PLCB1: variants seen among roughly 807,000 people sequenced by gnomAD.
PLCB1 encodes 1-phosphatidylinositol 4,5-bisphosphate phosphodiesterase beta-1.
A neutral mutation model predicts 161.8 loss-of-function variants in PLCB1; 46 were observed. That is an observed-to-expected ratio of 0.28 (90% CI 0.22 to 0.36). The LOEUF is 0.36. PLCB1 is among the 10% of genes least tolerant of loss of function. PLCB1 has a pLI of 1.00. For missense variants in PLCB1, 1,016 were observed against 1,472.5 expected (o/e 0.69, Z 5.07); for synonymous variants, 517 against 503.7 (o/e 1.03, Z -0.35).
chr20:8,704,068 AGAT>A (rs1978524051), intron 11 of PLCB1, among the ~76,000 whole-genome samples: 1 of 152,180 alleles, frequency 6.6e-6, no homozygotes, highest in Admixed American at 6.5e-5. Context: ...AAGTTAGCAA[AGAT>A]GGCCAGGCGC....
intron 2 of PLCB1, among the ~76,000 whole-genome samples, chr20:8,297,265 TA>T (rs1983679660): frequency 6.6e-6 from 1 of 152,140 alleles, no homozygotes; most frequent in African/African-American, 2.4e-5. Context: ...AATGTACGTA[TA>T]AAATTGCGGA....
chr20:8,148,556 G>A (rs1600198729), intron 1 of PLCB1, among the ~76,000 whole-genome samples: 1 of 151,968 alleles, frequency 6.6e-6, no homozygotes, highest in Admixed American at 6.6e-5. Flanking sequence ...TCCACTTCTG[G>A]GTATATACTG....
intron 2 of PLCB1, among the ~76,000 whole-genome samples, chr20:8,175,465 A>G (rs548137137): frequency 3.2e-5 from 1 of 31,612 alleles, no homozygotes; most frequent in South Asian, 8.4e-4. Context: ...AAGTAAAAAT[A>G]AAAAAAAAAG....
At chr20:8,833,232 G>C (rs1986099721) in intron 31 of PLCB1, among the ~76,000 whole-genome samples, 1 of 152,178 alleles carries the variant, frequency 6.6e-6, no homozygotes, top group Non-Finnish European at 1.5e-5. Flanking sequence ...CCACATGGCT[G>C]GGGAGGTCTC....
intron 1 of PLCB1, among the ~76,000 whole-genome samples, chr20:8,141,464 A>G (rs570449349): frequency 6.6e-6 from 1 of 152,242 alleles, no homozygotes; most frequent in African/African-American, 2.4e-5. Context: ...TCTCTACTAG[A>G]ATACAAAAAT....
intron 3 of PLCB1, among the ~76,000 whole-genome samples, chr20:8,482,787 G>C (rs1196996569): frequency 1.3e-5 from 2 of 152,176 alleles, no homozygotes; most frequent in Non-Finnish European, 2.9e-5. Flanking sequence ...GTGTAATAAA[G>C]TAGATTTTGA....
intron 2 of PLCB1, among the ~76,000 whole-genome samples, chr20:8,195,855 T>C (rs1044419586): frequency 1.3e-5 from 2 of 152,126 alleles, no homozygotes; most frequent in African/African-American, 4.8e-5. Flanking sequence ...GCATTTGTAT[T>C]AGTCGATTCT....
At position 8,628,319 on chromosome 20, in the gene PLCB1, A is replaced by T; in HGVS notation, c.272A>T (p.Asp91Val). Residue 91 changes from aspartate to valine, a missense_variant, in exon 4 of 32, where the codon GAT becomes GTT. Physicochemically the swap from Asp to Val is radical, Grantham distance 152. Around this residue, in one of 10 missense-constraint regions of PLCB1, gnomAD observed 181 missense variants for 236.7 expected, o/e 0.76. Transcript: ENST00000338037. The part of the protein sequence containing the change: ...PKDPKLRELL[D>V]VGNIGRLEQR... ...GACCCCAAATTACGTGAACTTTTGGATGTGGGGAACATCGGGCGCCTGGAG... is the reference window on the plus strand; with the variant it reads ...GACCCCAAATTACGTGAACTTTTGGTTGTGGGGAACATCGGGCGCCTGGAG... 6.2e-7 allele frequency: 1 copy of T among 1,613,966 alleles called. No homozygotes were observed. Among genetic ancestry groups the T allele is most frequent in the Non-Finnish European group, 8.5e-7 (1 of 1,179,864 alleles).
intron 2 of PLCB1, among the ~76,000 whole-genome samples, chr20:8,181,248 CA>C (rs60871672): frequency 0.28 from 22,495 of 80,638 alleles, 859 homozygotes; most frequent in South Asian, 0.38. Flanking sequence ...GACTCTGTCT[CA>C]AAAAAAAAAA....
chr20:8,759,895 C>CTTTTTT (rs1981928257), intron 24 of PLCB1, among the ~76,000 whole-genome samples: 3 of 44,522 alleles, frequency 6.7e-5, no homozygotes, highest in Admixed American at 3.1e-4. Context: ...TATAATATCA[C>CTTTTTT]ATTTTTTTTT....
chr20:8,725,203 A>G (rs555324338), intron 16 of PLCB1, among the ~76,000 whole-genome samples: 1 of 152,296 alleles, frequency 6.6e-6, no homozygotes, highest in East Asian at 1.9e-4. Context: ...CAATTTATCT[A>G]TATTCCATTT....
chr20:8,394,392 G>C (rs1328598733), intron 3 of PLCB1, among the ~76,000 whole-genome samples: 1 of 152,042 alleles, frequency 6.6e-6, no homozygotes, highest in African/African-American at 2.4e-5. Flanking sequence ...TCGGTTCCTG[G>C]TGTGTGTGTG....
intron 3 of PLCB1, among the ~76,000 whole-genome samples, chr20:8,461,170 G>C (rs1289992189): frequency 6.6e-6 from 1 of 152,116 alleles, no homozygotes; most frequent in Non-Finnish European, 1.5e-5. Context: ...TTGAGAAAAA[G>C]AATCTGAAAG....
intron 31 of PLCB1, among the ~76,000 whole-genome samples, chr20:8,852,479 C>T (rs1986921561): frequency 6.6e-6 from 1 of 152,164 alleles, no homozygotes; most frequent in African/African-American, 2.4e-5. Context: ...GGCAGAACTC[C>T]CACTAGCCAT....
chr20:8,340,720 G>A (rs1198290799), intron 2 of PLCB1, among the ~76,000 whole-genome samples: 1 of 152,140 alleles, frequency 6.6e-6, no homozygotes, highest in Non-Finnish European at 1.5e-5. Flanking sequence ...CACCGCGCCC[G>A]GCCAAATTCT....
intron 2 of PLCB1, among the ~76,000 whole-genome samples, chr20:8,244,983 A>G (rs76461828): frequency 0.12 from 16,601 of 138,756 alleles, 998 homozygotes; most frequent in African/African-American, 0.21. Context: ...TCTATTTTGG[A>G]GGGGGGGATG....
At chr20:8,355,805 C>A (rs1986346321) in intron 2 of PLCB1, among the ~76,000 whole-genome samples, 1 of 152,124 alleles carries the variant, frequency 6.6e-6, no homozygotes, top group East Asian at 1.9e-4. Flanking sequence ...GGGCACTTAA[C>A]CCTCAGCTTT....
Position 8,742,286 on chromosome 20 carries a change from A to T in PLCB1, c.2523+713A>T, listed in dbSNP as rs148995898. On this transcript the variant is annotated intron_variant, in intron 23 of 31. Coordinates refer to ENST00000338037, the MANE Select transcript of PLCB1 (RefSeq NM_015192.4). ...AGTGATAAAAATTTGCTATTTTCAT[A>T]TTTTATTCAGAGGAAAAACTCGAGA... Among the ~76,000 whole-genome samples, 104 of 152,228 alleles carry T rather than the reference A, an allele frequency of 6.8e-4. 3 individuals carry two copies. In the East Asian group the frequency reaches 0.017, roughly 25 times the overall value.
At chr20:8,147,344 G>T (rs73078290) in intron 1 of PLCB1, among the ~76,000 whole-genome samples, 24,216 of 152,184 alleles carry the variant, frequency 0.16, 2,390 homozygotes, top group Admixed American at 0.24. Context: ...GAGAGGTAAA[G>T]GATTAAAATA....
Sources: gnomAD v4.1 joint callset for allele counts (sites outside exome capture counted in the v4.1 genomes callset) on GRCh38, gnomAD v4.1.1 for gene constraint, gnomAD v4.1.1 regional missense constraint, MANE v1.5 for transcripts, NCBI Gene and HGNC (gene_info 2026-07-23, HGNC 2026-07-21) for gene names.